CAMTA1: variants seen among roughly 807,000 people sequenced by gnomAD.
The protein encoded by CAMTA1 is calmodulin-binding transcription activator 1.
A neutral mutation model predicts 170.9 loss-of-function variants in CAMTA1; 27 were observed. The ratio of observed to expected loss-of-function variants is 0.16; its 90% confidence interval spans 0.12 to 0.22. The LOEUF (loss-of-function observed/expected upper bound fraction) is 0.22. CAMTA1 is among the 10% of genes least tolerant of loss of function. The pLI is 1.00. For missense variants in CAMTA1, 1,619 were observed against 2,217.2 expected (o/e 0.73, Z 5.42); for synonymous variants, 833 against 891.5 (o/e 0.93, Z 1.17).
At chr1:7,668,029 C>T (rs2096016841) in intron 9 of CAMTA1, among the ~76,000 whole-genome samples, 1 of 152,158 alleles carries the variant, frequency 6.6e-6, no homozygotes, top group Non-Finnish European at 1.5e-5. Context: ...GGAGAGAGCA[C>T]CTTCTCTCTT....
chr1:6,959,455 G>C (rs1690007341), intron 3 of CAMTA1, among the ~76,000 whole-genome samples: 1 of 152,116 alleles, frequency 6.6e-6, no homozygotes, highest in African/African-American at 2.4e-5. Context: ...CTGGTAATCA[G>C]ATTGTCAGTC....
At chr1:7,434,342 C>T (rs140124808) in intron 5 of CAMTA1, among the ~76,000 whole-genome samples, 161 of 152,340 alleles carry the variant, frequency 1.1e-3, no homozygotes, top group African/African-American at 3.6e-3. Context: ...ACTGCACAGA[C>T]GCTGGCCTTC....
chr1:7,488,553 T>C (rs1472559480), intron 6 of CAMTA1, among the ~76,000 whole-genome samples: 1 of 152,038 alleles, frequency 6.6e-6, no homozygotes, highest in Non-Finnish European at 1.5e-5. Flanking sequence ...CATACATCTG[T>C]ACACATGCAT....
intron 4 of CAMTA1, among the ~76,000 whole-genome samples, chr1:7,239,835 G>C (rs148487884): frequency 6.6e-6 from 1 of 151,924 alleles, no homozygotes; most frequent in African/African-American, 2.4e-5. Flanking sequence ...ATCATCGCGT[G>C]GTGGAAGGTG....
chr1:6,952,052 C>T (rs1011830920), intron 3 of CAMTA1, among the ~76,000 whole-genome samples: 6 of 152,220 alleles, frequency 3.9e-5, no homozygotes, highest in African/African-American at 4.8e-5. Context: ...CTGCCGTCTG[C>T]ATCCCACTGT....
intron 5 of CAMTA1, among the ~76,000 whole-genome samples, chr1:7,429,883 A>C (rs903366000): frequency 2.0e-5 from 3 of 152,112 alleles, no homozygotes; most frequent in Non-Finnish European, 4.4e-5. Flanking sequence ...CAGGAGGAAA[A>C]GAGAGTGGGG....
At chr1:6,862,418 C>T (rs1036745494) in intron 3 of CAMTA1, among the ~76,000 whole-genome samples, 1 of 152,194 alleles carries the variant, frequency 6.6e-6, no homozygotes, top group Non-Finnish European at 1.5e-5. Flanking sequence ...ATTTGTTCAT[C>T]CATCCATGGG....
At chr1:7,485,003 C>T (rs968322784) in intron 6 of CAMTA1, among the ~76,000 whole-genome samples, 11 of 152,170 alleles carry the variant, frequency 7.2e-5, no homozygotes, top group African/African-American at 2.7e-4. Flanking sequence ...AGCACCGGCC[C>T]ACGCTCACCA....
chr1:6,985,936 C>T (rs1432631206), intron 3 of CAMTA1, among the ~76,000 whole-genome samples: 3 of 152,222 alleles, frequency 2.0e-5, no homozygotes, highest in African/African-American at 7.2e-5. Context: ...GCAGGAGCTT[C>T]GTCTTCTAAC....
intron 4 of CAMTA1, among the ~76,000 whole-genome samples, chr1:7,221,465 C>T (rs926466303): frequency 6.6e-6 from 1 of 152,122 alleles, no homozygotes; most frequent in African/African-American, 2.4e-5. Context: ...CCTTTGAAGG[C>T]CTCCAGGAAG....
At chr1:7,614,340 ATTTATGTCCATCTCC>A (rs1558005319) in intron 6 of CAMTA1, among the ~76,000 whole-genome samples, 4 of 152,082 alleles carry the variant, frequency 2.6e-5, no homozygotes, top group African/African-American at 2.4e-5. Context: ...TCAGCCACCT[ATTTATGTCCATCTCC>A]TGCTCACACA....
At chr1:7,123,665 C>A (rs1434311205) in intron 4 of CAMTA1, among the ~76,000 whole-genome samples, 2 of 152,222 alleles carry the variant, frequency 1.3e-5, no homozygotes, top group East Asian at 1.9e-4. Context: ...CCCCTCTGAG[C>A]CCTGGTCACT....
intron 6 of CAMTA1, among the ~76,000 whole-genome samples, chr1:7,484,200 C>G (rs2093583544): frequency 6.6e-6 from 1 of 152,176 alleles, no homozygotes; most frequent in South Asian, 2.1e-4. Flanking sequence ...GTACCTGGCA[C>G]AGAGGGGGGC....
At position 7,482,630 on chromosome 1, in the gene CAMTA1, G is replaced by C. The variant is rs2093556289; in HGVS notation, c.510+14729G>C. Among the ~76,000 whole-genome samples the C allele has an allele frequency of 6.6e-6, 1 of 152,212 alleles. No individual in the cohort carries two copies. On this transcript the variant is annotated intron_variant, in intron 6 of 22. Coordinates refer to ENST00000303635, the MANE Select transcript of CAMTA1 (RefSeq NM_015215.4). This position sits in a 1 kb window ranked among gnomAD's most constrained non-coding sequence, Gnocchi z 4.2. ...GGGTGACCCTGGTGACACCAGGCAT[G>C]AGAATTCTCTGTGAGCTTAGCTTGG...
intron 5 of CAMTA1, among the ~76,000 whole-genome samples, chr1:7,344,058 C>T (rs1304373707): frequency 6.6e-6 from 1 of 152,196 alleles, no homozygotes; most frequent in Non-Finnish European, 1.5e-5. Flanking sequence ...CAGTTATCTA[C>T]TGCTGTGAAA....
chr1:6,962,487 C>T (rs1055547218), intron 3 of CAMTA1, among the ~76,000 whole-genome samples: 2 of 151,690 alleles, frequency 1.3e-5, no homozygotes, highest in African/African-American at 4.8e-5. Flanking sequence ...GCCAGCCCCG[C>T]CCCCTCAGAA....
At chr1:7,539,384 A>C (rs1264075019) in intron 6 of CAMTA1, among the ~76,000 whole-genome samples, 1 of 152,246 alleles carries the variant, frequency 6.6e-6, no homozygotes, top group Non-Finnish European at 1.5e-5. Flanking sequence ...TCTTAAAGAA[A>C]TATTTCCCTC....
intron 5 of CAMTA1, among the ~76,000 whole-genome samples, chr1:7,253,930 G>A (rs990262772): frequency 1.3e-5 from 2 of 152,096 alleles, no homozygotes; most frequent in African/African-American, 2.4e-5. Context: ...TAAAGAGAAC[G>A]TGTGGTCCCC....
chr1:7,763,649 C>T (rs916014967), intron 22 of CAMTA1, among the ~76,000 whole-genome samples: 20 of 152,302 alleles, frequency 1.3e-4, no homozygotes, highest in African/African-American at 4.6e-4. Flanking sequence ...GGGTATACCT[C>T]CCCTGACCAG....
Sources: allele counts gnomAD v4.1 joint callset (sites outside exome capture counted in the v4.1 genomes callset), GRCh38; gene constraint gnomAD v4.1.1; non-coding constraint Gnocchi (gnomAD v3.1); transcripts MANE v1.5; gene names NCBI Gene and HGNC (gene_info 2026-07-23, HGNC 2026-07-21).